SMG9: variants seen among roughly 807,000 people sequenced by gnomAD.
The protein encoded by SMG9 is nonsense-mediated mRNA decay factor SMG9.
A neutral mutation model predicts 64.0 loss-of-function variants in SMG9; 55 were observed. The observed-to-expected ratio is 0.86, with a 90% CI of 0.69 to 1.08. The LOEUF (loss-of-function observed/expected upper bound fraction) is 1.08. SMG9 is among the 50% of genes least tolerant of loss of function. The pLI is 0.00. For synonymous variants in SMG9, 244 were observed against 254.8 expected, an observed-to-expected ratio of 0.96 and a Z score of 0.41; for missense variants, 554 against 681.3, an observed-to-expected ratio of 0.81 and a Z score of 2.08.
chr19:43,744,806 A>G lies in SMG9; in HGVS notation c.667T>C (p.Leu223=). The G allele has an allele frequency of 6.2e-7, 1 of 1,613,836 alleles. No homozygotes were observed. The highest frequency in any genetic ancestry group is 1.7e-5 in the Admixed American group (1 of 59,998). Residue 223 remains leucine (L), a synonymous_variant, in exon 6 of 14, where the codon TTG becomes CTG. Coordinates refer to ENST00000270066, the MANE Select transcript of SMG9 (RefSeq NM_019108.4). ...TCCTCTGGAGTGTTGGCTGACAACA[A>G]TGACATGACCATGGACTTGCCTGTC... The part of the protein sequence containing the change: ...QGTGKSMVMS[L]LSANTPEEDQ...
intron 1 of SMG9, 122 bp from the exon 2 acceptor site, chr19:43,750,869 G>C: frequency 1.1e-6 from 1 of 907,742 alleles, no homozygotes; most frequent in Non-Finnish European, 1.6e-6. Flanking sequence ...CTGTCGCCCA[G>C]GCTGGAGTAC....
chr19:43,753,150 C>T (rs1451459132), intron 1 of SMG9, among the ~76,000 whole-genome samples: 1 of 152,096 alleles, frequency 6.6e-6, no homozygotes, highest in Non-Finnish European at 1.5e-5. Flanking sequence ...CCCAGAGCCA[C>T]AAGCCAGGCT....
chr19:43,728,945 C>A lies in SMG9; in HGVS notation c.*2651G>T. On this transcript the variant is annotated 3_prime_UTR_variant, in exon 14 of 14. Coordinates refer to ENST00000270066, the MANE Select transcript of SMG9 (RefSeq NM_019108.4). The stretch of plus-strand genomic sequence containing the variant: ...CACAAGCAGCAGGCATTCCTGGTGG[C>A]CAGGCCCATCTTGCAGCCCATCCTA... 1 of 983,522 alleles carries A rather than the reference C, an allele frequency of 1.0e-6. No individual in the cohort carries two copies. The highest frequency in any genetic ancestry group is 1.2e-6 in the Non-Finnish European group (1 of 828,132). 60.9% of individuals were successfully genotyped at this position (983,522 alleles called of 1,614,324 possible).
intron 1 of SMG9, among the ~76,000 whole-genome samples, chr19:43,754,159 T>C (rs1225800940): frequency 6.6e-6 from 1 of 152,170 alleles, no homozygotes; most frequent in Non-Finnish European, 1.5e-5. Context: ...ACCTCACTAT[T>C]TGCAAATATT....
chr19:43,734,597 A>T (rs1382234425), intron 9 of SMG9, 102 bp from the exon 10 acceptor site: 9 of 733,402 alleles, frequency 1.2e-5, no homozygotes, highest in Non-Finnish European at 2.1e-5. Flanking sequence ...AGCTACAGCC[A>T]TGCTCAGAAA....
intron 6 of SMG9, 67 bp downstream of exon 6, chr19:43,744,705 G>T: frequency 8.4e-7 from 1 of 1,193,202 alleles, no homozygotes; most frequent in Non-Finnish European, 1.2e-6. Flanking sequence ...AAACACCCAA[G>T]CCCACCTTGC....
chr19:43,752,326 G>A (rs985792861), intron 1 of SMG9, among the ~76,000 whole-genome samples: 4 of 152,216 alleles, frequency 2.6e-5, no homozygotes, highest in Non-Finnish European at 5.9e-5. Context: ...TTTCCCAGCT[G>A]TTCACACATC....
chr19:43,728,840 G>C lies in SMG9; in HGVS notation c.*2756C>G, dbSNP rs1464580588. The C allele has an allele frequency of 1.2e-5, 3 of 252,448 alleles. No individual in the cohort carries two copies. Among genetic ancestry groups the C allele is most frequent in the Non-Finnish European group, 1.9e-5 (3 of 159,844 alleles). 15.6% of individuals were successfully genotyped at this position (252,448 alleles called of 1,614,324 possible). Reference sequence around the variant, plus strand: ...TCATGTTTCCTGCAGTGGAGGGTGAGAAGGATACCAATGTATTCCTGTGTC... The same window carrying C: ...TCATGTTTCCTGCAGTGGAGGGTGACAAGGATACCAATGTATTCCTGTGTC... On this transcript the variant is annotated 3_prime_UTR_variant, in exon 14 of 14. Coordinates refer to ENST00000270066, the MANE Select transcript of SMG9 (RefSeq NM_019108.4).
In SMG9 at chr19:43,733,957, G is replaced by A. The variant is rs73935067; in HGVS notation, c.1103-224C>T. The stretch of plus-strand genomic sequence containing the variant: ...CCCCTAGTCTCTTTGAGGCCCTAGC[G>A]AGGGATCATAAAATGAACTGGGTCT... On this transcript the variant is annotated intron_variant, in intron 10 of 13. Coordinates refer to ENST00000270066, the MANE Select transcript of SMG9 (RefSeq NM_019108.4). 9.2e-4 allele frequency: 537 copies of A among 583,794 alleles called. 2 individuals are homozygous for A. Among genetic ancestry groups the A allele is most frequent in the African/African-American group, 8.3e-3 (447 of 53,754 alleles). The allele number at this position is 583,794 out of a possible 1,614,324, so 36.2% of individuals were successfully genotyped here.
intron 2 of SMG9, chr19:43,750,297 AG>A (rs1221206465): frequency 1.7e-6 from 1 of 592,532 alleles, no homozygotes. Context: ...GGGCCACCTC[AG>A]GGCCTCTGCG....
chr19:43,745,173 G>A (rs556903602), intron 5 of SMG9, among the ~76,000 whole-genome samples: 8 of 152,256 alleles, frequency 5.3e-5, no homozygotes, highest in African/African-American at 1.2e-4. Flanking sequence ...TGAACACAGC[G>A]GGAAAAAGGG....
intron 5 of SMG9, among the ~76,000 whole-genome samples, chr19:43,746,259 T>C (rs1414828421): frequency 1.3e-5 from 2 of 152,236 alleles, no homozygotes; most frequent in African/African-American, 2.4e-5. Context: ...CCCTGTTCAA[T>C]CAGTAGGCAT....
chr19:43,731,806 C>CT, intron 13 of SMG9, 132 bp from the exon 14 acceptor site: 1 of 1,077,530 alleles, frequency 9.3e-7, no homozygotes, highest in Admixed American at 2.4e-5. Flanking sequence ...GGAACCCAAT[C>CT]TCCTCGACTG....
At chr19:43,731,889 T>C (rs936783590) in intron 13 of SMG9, among the ~76,000 whole-genome samples, 1 of 152,250 alleles carries the variant, frequency 6.6e-6, no homozygotes, top group Admixed American at 6.5e-5. Context: ...TATGCAAAGC[T>C]GAAGGTTCCA....
chr19:43,737,542 C>A (rs1968708493), intron 9 of SMG9, 55 bp downstream of exon 9: 2 of 1,497,420 alleles, frequency 1.3e-6, no homozygotes, highest in Admixed American at 1.9e-5. Context: ...AGTCTCTGGG[C>A]CTTTGTCTCC....
rs1018518315 is a variant in SMG9 at position 43,730,850 on chromosome 19, G to A, written c.*746C>T. On this transcript the variant is annotated 3_prime_UTR_variant, in exon 14 of 14. Coordinates refer to ENST00000270066, the MANE Select transcript of SMG9 (RefSeq NM_019108.4). ...CCCAAAGTGCTAGGATTATAGACGT[G>A]AGCCACCATGCCCAGCCTAGGCACT... 6.5e-6 allele frequency: 1 copy of A among 152,678 alleles called. No individual in the cohort carries two copies. The highest frequency in any genetic ancestry group is 1.5e-5 in the Non-Finnish European group (1 of 68,470). 9.5% of individuals were successfully genotyped at this position (152,678 alleles called of 1,614,324 possible). A position where few individuals can be genotyped will look rare whatever the true frequency, so the allele number is the denominator to read the frequency against.
intron 9 of SMG9, 104 bp from the exon 10 acceptor site, chr19:43,734,599 G>T: frequency 1.4e-6 from 1 of 728,074 alleles, no homozygotes; most frequent in Non-Finnish European, 2.3e-6. Flanking sequence ...CTACAGCCAT[G>T]CTCAGAAAAA....
At chr19:43,737,459 G>T in intron 9 of SMG9, 138 bp downstream of exon 9, 3 of 664,866 alleles carry the variant, frequency 4.5e-6, no homozygotes, top group South Asian at 1.9e-5. Context: ...GGGGAGGTTA[G>T]ATGGGAGTGA....
At chr19:43,738,775 G>C (rs890366490) in intron 7 of SMG9, among the ~76,000 whole-genome samples, 1 of 152,198 alleles carries the variant, frequency 6.6e-6, no homozygotes, top group Admixed American at 6.5e-5. Flanking sequence ...AACTGCTCGC[G>C]TTCTCAAACT....
Sources: gnomAD v4.1 joint callset for allele counts (sites outside exome capture counted in the v4.1 genomes callset) on GRCh38, gnomAD v4.1.1 for gene constraint, MANE v1.5 for transcripts, NCBI Gene and HGNC (gene_info 2026-07-23, HGNC 2026-07-21) for gene names.